EMG1: variants seen among roughly 807,000 people sequenced by gnomAD.
EMG1 encodes EMG1 N1-specific pseudouridine methyltransferase, also known as ribosomal RNA small subunit methyltransferase NEP1.
In EMG1, 24 loss-of-function variants were observed where a neutral mutation model predicts 26.9. That is an observed-to-expected ratio of 0.89 (90% CI 0.65 to 1.26). The LOEUF (loss-of-function observed/expected upper bound fraction) is 1.26. EMG1 is among the 50% of genes most tolerant of loss of function. The pLI, the probability that EMG1 is intolerant of heterozygous loss-of-function variation, is 0.00. For missense variants in EMG1, 299 were observed against 307.6 expected (o/e 0.97, Z 0.21); for synonymous variants, 140 against 112.6 (o/e 1.24, Z -1.54).
At chr12:6,974,241 G>A in intron 1 of EMG1, 98 bp from the exon 2 acceptor site, 1 of 845,246 alleles carries the variant, frequency 1.2e-6, no homozygotes, top group South Asian at 1.5e-5. Context: ...GTTTCCAGGT[G>A]CAGCTGCTGC....
chr12:6,975,908 CTG>C lies in EMG1; in HGVS notation c.*102_*103del, dbSNP rs1353422053. 1.3e-6 allele frequency: 1 copy of C among 760,638 alleles called. No homozygotes were observed. The highest frequency in any genetic ancestry group is 2.3e-6 in the Non-Finnish European group (1 of 432,668). The allele number at this position is 760,638 out of a possible 1,614,324, so 47.1% of individuals were successfully genotyped here. On this transcript the variant is annotated 3_prime_UTR_variant, in exon 6 of 6. Coordinates refer to ENST00000599672, the MANE Select transcript of EMG1 (RefSeq NM_006331.8). ...GGAAGATGATCTTTCTGCACTGAGA[CTG>C]TGGAGTTTGGGGAAGCCAAGGCTGT...
chr12:6,983,577 C>T, downstream of EMG1: 1 of 1,329,252 alleles, frequency 7.5e-7, no homozygotes, highest in Non-Finnish European at 1.1e-6. Flanking sequence ...GTTATTTGTG[C>T]CTGGTGCCAT....
chr12:6,987,975 G>A lies in EMG1; in HGVS notation c.*211+137G>A, dbSNP rs1017880262. ...AACAGTCACCTCTTGAACTTTTGGG[G>A]TGCTTGGCAATAGTTCCTCTCCCTA... On this transcript the variant is annotated intron_variant and NMD_transcript_variant, in intron 7 of 7. Coordinates refer to the EMG1 transcript ENST00000261406. The surrounding 1 kb of genome is among the most constrained non-coding windows in gnomAD (Gnocchi z 4.1). 7 of 396,552 alleles carry A rather than the reference G, an allele frequency of 1.8e-5. No homozygotes were observed. In the Admixed American group the frequency reaches 2.7e-4, roughly 15 times the overall value. The allele number at this position is 396,552 out of a possible 1,614,324, so 24.6% of individuals were successfully genotyped here. A position where few individuals can be genotyped will look rare whatever the true frequency, so the allele number is the denominator to read the frequency against.
Position 6,970,950 on chromosome 12 carries a change from G to C in EMG1, c.27G>C (p.Lys9Asn), listed in dbSNP as rs782722332. Residue 9 changes from lysine (K) to asparagine (N), a missense_variant, in exon 1 of 6, where the codon AAG becomes AAC. Lys to Asn is a moderately conservative substitution (Grantham distance 94). Transcript: ENST00000599672. MAAPSDGF[K>N]PRERSGGEQA... Reference sequence around the variant, plus strand: ...TGGCCGCGCCCAGTGATGGATTCAAGCCTCGTGAACGAAGCGGTGGGGAGC... The same window carrying C: ...TGGCCGCGCCCAGTGATGGATTCAACCCTCGTGAACGAAGCGGTGGGGAGC... 7.4e-6 allele frequency: 12 copies of C among 1,613,072 alleles called. No individual in the cohort carries two copies. The highest frequency in any genetic ancestry group is 8.5e-7 in the Non-Finnish European group (1 of 1,179,538).
At chr12:6,990,904 G>A (rs1474341338), downstream of EMG1, among the ~76,000 whole-genome samples, 1 of 122,210 alleles carries the variant, frequency 8.2e-6, no homozygotes, top group Admixed American at 9.0e-5. Context: ...GCAACAGAGC[G>A]AGACTCCAAA....
Position 6,977,800 on chromosome 12 carries a change from C to G in EMG1, c.*1991C>G. On this transcript the variant is annotated 3_prime_UTR_variant, in exon 6 of 6. Transcript: ENST00000599672. The surrounding 1 kb of genome is among the most constrained non-coding windows in gnomAD (Gnocchi z 4.5). ...CAAACTGACTGGTCCTTGCATCCCGCCACCTGCCTCTGGGTCCTCACCCTG... is the reference window on the plus strand; with the variant it reads ...CAAACTGACTGGTCCTTGCATCCCGGCACCTGCCTCTGGGTCCTCACCCTG... 8.7e-6 allele frequency: 14 copies of G among 1,603,494 alleles called. No homozygotes were observed. The highest frequency in any genetic ancestry group is 1.2e-5 in the Non-Finnish European group (14 of 1,172,988).
intron 1 of EMG1, among the ~76,000 whole-genome samples, chr12:6,973,952 A>G (rs1326446865): frequency 1.3e-5 from 2 of 152,240 alleles, no homozygotes; most frequent in African/African-American, 4.8e-5. Flanking sequence ...TGCTCCTGTA[A>G]TAAACACAGC....
At chr12:6,989,176 T>C (rs1248728263), downstream of EMG1, among the ~76,000 whole-genome samples, 3 of 152,032 alleles carry the variant, frequency 2.0e-5, no homozygotes, top group Non-Finnish European at 2.9e-5. Context: ...TTCTTTTTGA[T>C]TGTTTGTTTA....
Position 6,978,590 on chromosome 12 carries a change from C to T in EMG1, c.*2781C>T. 1 of 1,614,032 alleles carries T rather than the reference C, an allele frequency of 6.2e-7. No individual in the cohort carries two copies. Among genetic ancestry groups the T allele is most frequent in the Non-Finnish European group, 8.5e-7 (1 of 1,179,942 alleles). On this transcript the variant is annotated 3_prime_UTR_variant, in exon 6 of 6. Transcript: ENST00000599672. ...TTGTCTAAATAGGACCTTGTTTCAA[C>T]TTTTCTACTTACTGTGACCAGCCAA...
At chr12:6,983,641 G>A (rs75506960), downstream of EMG1, 5,289 of 579,346 alleles carry the variant, frequency 9.1e-3, 31 homozygotes, top group Non-Finnish European at 0.012. Context: ...GAGGGAGAGA[G>A]AAAAAAAAAA....
chr12:6,977,551 G>T lies in EMG1; in HGVS notation c.*1742G>T, dbSNP rs1555153440. The T allele has an allele frequency of 2.5e-6, 4 of 1,614,154 alleles. No individual in the cohort carries two copies. The Admixed American group carries it at 6.7e-5, about 27-fold the overall frequency. On this transcript the variant is annotated 3_prime_UTR_variant, in exon 6 of 6. Coordinates refer to ENST00000599672, the MANE Select transcript of EMG1 (RefSeq NM_006331.8). This position sits in a 1 kb window ranked among gnomAD's most constrained non-coding sequence, Gnocchi z 4.5. ...CTGGGGAGGGAGGAGGAGCTCATCA[G>T]CATCTTGTCCCTTATATTCCCCTTC...
At position 6,974,533 on chromosome 12, in the gene EMG1, C is replaced by T. The variant is rs370505796; in HGVS notation, c.271-19C>T. On this transcript the variant is annotated intron_variant, in intron 2 of 5. Coordinates refer to ENST00000599672, the MANE Select transcript of EMG1 (RefSeq NM_006331.8). Reference sequence around the variant, plus strand: ...CCTCTCTTCAGCCTTAACCATGTCTCGGTTTCTGCTTTGCTCAGAGTTTGC... The same window carrying T: ...CCTCTCTTCAGCCTTAACCATGTCTTGGTTTCTGCTTTGCTCAGAGTTTGC... 41 of 1,612,300 alleles carry T rather than the reference C, an allele frequency of 2.5e-5. 1 individual carries two copies. Among genetic ancestry groups the T allele is most frequent in the East Asian group, 1.1e-4 (5 of 44,850 alleles).
chr12:6,993,354 A>T (rs1331846372), intron 7 of EMG1, among the ~76,000 whole-genome samples: 3 of 152,002 alleles, frequency 2.0e-5, no homozygotes, highest in African/African-American at 7.3e-5. Flanking sequence ...GAATTGCTTG[A>T]ACCCAGGAGG....
At position 6,987,450 on chromosome 12, in the gene EMG1, T is replaced by C. The variant is rs781949721; in HGVS notation, c.*155-332T>C. Among the ~76,000 whole-genome samples the C allele has an allele frequency of 6.6e-6, 1 of 152,326 alleles. No individual in the cohort carries two copies. The highest frequency in any genetic ancestry group is 2.4e-5 in the African/African-American group (1 of 41,580). On this transcript the variant is annotated intron_variant and NMD_transcript_variant, in intron 6 of 7. Coordinates refer to the EMG1 transcript ENST00000261406. The surrounding 1 kb of genome is among the most constrained non-coding windows in gnomAD (Gnocchi z 4.1). ...CAAGGAAATAGGATCAAGTCTCATATATTTCACATGGGCAGAAATTTGGCA... is the reference window on the plus strand; with the variant it reads ...CAAGGAAATAGGATCAAGTCTCATACATTTCACATGGGCAGAAATTTGGCA...
chr12:6,970,918 T>G lies in EMG1; in HGVS notation c.-6T>G. The G allele has an allele frequency of 6.2e-7, 1 of 1,611,740 alleles. No individual in the cohort carries two copies. Among genetic ancestry groups the G allele is most frequent in the East Asian group, 2.2e-5 (1 of 44,798 alleles). ...GCGTTAGCGCAACTTCCGGTATTGT[T>G]GCAAGATGGCCGCGCCCAGTGATGG... is the stretch of plus-strand genomic sequence containing the variant. On this transcript the variant is annotated 5_prime_UTR_variant, in exon 1 of 6. Coordinates refer to ENST00000599672, the MANE Select transcript of EMG1 (RefSeq NM_006331.8).
chr12:6,975,882 T>C lies in EMG1; in HGVS notation c.*73T>C, dbSNP rs1247950666. 1.1e-6 allele frequency: 1 copy of C among 877,078 alleles called. No individual in the cohort carries two copies. Among genetic ancestry groups the C allele is most frequent in the African/African-American group, 1.6e-5 (1 of 60,704 alleles). The allele number at this position is 877,078 out of a possible 1,614,324, so 54.3% of individuals were successfully genotyped here. ...TTTGACCCTGGTCTGAGCTGACTGC[T>C]GGAAGATGATCTTTCTGCACTGAGA... On this transcript the variant is annotated 3_prime_UTR_variant, in exon 6 of 6. Coordinates refer to ENST00000599672, the MANE Select transcript of EMG1 (RefSeq NM_006331.8).
At position 6,978,190 on chromosome 12, in the gene EMG1, T is replaced by TA. The variant is rs776284760; in HGVS notation, c.*2382dup. The TA allele has an allele frequency of 1.3e-6, 1 of 769,430 alleles. No homozygotes were observed. The highest frequency in any genetic ancestry group is 2.0e-6 in the Non-Finnish European group (1 of 508,232). 47.7% of individuals were successfully genotyped at this position (769,430 alleles called of 1,614,324 possible). A position where few individuals can be genotyped will look rare whatever the true frequency, so the allele number is the denominator to read the frequency against. ...AGTAATGGTTTTTTTGGGAGGGGGG[T>TA]ATAGGTGGGGGTCAAAGTCAGTGTG... On this transcript the variant is annotated 3_prime_UTR_variant, in exon 6 of 6. Transcript: ENST00000599672.
chr12:6,988,067 A>C (rs1946546301), intron 7 of EMG1: 7 of 341,878 alleles, frequency 2.0e-5, no homozygotes, highest in Non-Finnish European at 3.7e-5. Context: ...AAAAAGATTT[A>C]AGACAAAAGC....
rs1428622580 is a variant in EMG1, at chr12:6,979,770, C to T, written c.*3961C>T. 12 of 598,502 alleles carry T rather than the reference C, an allele frequency of 2.0e-5. No homozygotes were observed. The highest frequency in any genetic ancestry group is 3.3e-5 in the Non-Finnish European group (11 of 335,362). The allele number at this position is 598,502 out of a possible 1,614,324, so 37.1% of individuals were successfully genotyped here. On this transcript the variant is annotated 3_prime_UTR_variant, in exon 6 of 6. Transcript: ENST00000599672. Reference sequence around the variant, plus strand: ...TATGGCTGGCTATGAGGAATGGGGACTGCAAACCTCTTAAGAGTTGTAGGA... The same window carrying T: ...TATGGCTGGCTATGAGGAATGGGGATTGCAAACCTCTTAAGAGTTGTAGGA...
Sources: allele counts gnomAD v4.1 joint callset (sites outside exome capture counted in the v4.1 genomes callset), GRCh38; gene constraint gnomAD v4.1.1; non-coding constraint Gnocchi (gnomAD v3.1); transcripts MANE v1.5; gene names NCBI Gene and HGNC (gene_info 2026-07-23, HGNC 2026-07-21).